The following ABCA13 variants were observed in gnomAD, a reference collection of about 807,000 sequenced individuals.
ABCA13 encodes ATP-binding cassette sub-family A member 13.
Under a neutral mutation model 478.7 loss-of-function variants are expected in ABCA13, and 476 were observed. The observed-to-expected ratio is 0.99, with a 90% confidence interval of 0.92 to 1.07. ABCA13 has a LOEUF of 1.07. Ranked by LOEUF, ABCA13 falls within the 50% of genes least tolerant of loss-of-function variation. The probability of loss-of-function intolerance (pLI) is 0.00; values close to 1 mark genes in which losing one functional copy is unlikely to be tolerated. For synonymous variants in ABCA13, 2,252 were observed against 2,158.9 expected, an observed-to-expected ratio of 1.04 and a Z score of -1.20; for missense variants, 6,060 against 5,910.6, an observed-to-expected ratio of 1.03 and a Z score of -0.83.
chr7:48,567,527 T>C (rs1015653444), intron 55 of ABCA13, among the ~76,000 whole-genome samples: 2 of 152,150 alleles, frequency 1.3e-5, no homozygotes, highest in Non-Finnish European at 2.9e-5. Context: ...AAACCTTTTT[T>C]AGACATGAAC....
At chr7:48,496,849 A>G (rs1830320297) in intron 48 of ABCA13, among the ~76,000 whole-genome samples, 1 of 152,002 alleles carries the variant, frequency 6.6e-6, no homozygotes, top group African/African-American at 2.4e-5. Flanking sequence ...ACGGCTTTAA[A>G]GAATTTTTTT....
chr7:48,197,680 A>C (rs576459643), intron 2 of ABCA13, among the ~76,000 whole-genome samples: 1,906 of 152,248 alleles, frequency 0.013, 19 homozygotes, highest in Admixed American at 0.02. Context: ...GGATGTGTAA[A>C]CAGCACATTA....
At chr7:48,633,174 G>A (rs1033239907) in intron 59 of ABCA13, among the ~76,000 whole-genome samples, 4 of 152,210 alleles carry the variant, frequency 2.6e-5, no homozygotes, top group South Asian at 2.1e-4. Context: ...TAAGAAATTG[G>A]CATCCAGAAG....
intron 45 of ABCA13, 86 bp downstream of exon 45, chr7:48,471,685 T>C: frequency 8.0e-7 from 1 of 1,253,964 alleles, no homozygotes; most frequent in Non-Finnish European, 1.1e-6. Context: ...AATTTTCATA[T>C]TTGTAACTGT....
intron 38 of ABCA13, among the ~76,000 whole-genome samples, chr7:48,394,721 G>T (rs2129059819): frequency 6.6e-6 from 1 of 152,162 alleles, no homozygotes; most frequent in South Asian, 2.1e-4. Flanking sequence ...AGTTATTGGG[G>T]TACAGGTGGT....
intron 15 of ABCA13, among the ~76,000 whole-genome samples, chr7:48,257,922 CTTAT>C (rs1793635826): frequency 6.6e-6 from 1 of 151,586 alleles, no homozygotes; most frequent in Admixed American, 6.6e-5. Context: ...TCACCTGTTG[CTTAT>C]TTATTTATTT....
intron 1 of ABCA13, among the ~76,000 whole-genome samples, chr7:48,191,263 G>C (rs1024665251): frequency 6.6e-6 from 1 of 152,136 alleles, no homozygotes; most frequent in Non-Finnish European, 1.5e-5. Context: ...TTGAACCAGA[G>C]GGTGATCTGC....
In ABCA13 at chr7:48,309,809, C is replaced by T. The variant is rs1801485803; in HGVS notation, c.9322-138C>T. 7.1e-6 allele frequency: 6 copies of T among 841,512 alleles called. No homozygotes were observed. In the South Asian group the frequency reaches 1.1e-4, roughly 16 times the overall value. The allele number at this position is 841,512 out of a possible 1,614,324, so 52.1% of individuals were successfully genotyped here. ...TGAGAATCGAACCCCAGTTTGGGCT[C>T]CCCGCATCTGCAGGTCAGTCCCGGG... On this transcript the variant is annotated intron_variant, in intron 23 of 61. Coordinates refer to ENST00000435803, the MANE Select transcript of ABCA13 (RefSeq NM_152701.5).
In ABCA13 at chr7:48,513,875, C is replaced by T. The variant is rs537427930; in HGVS notation, c.13640+2676C>T. On this transcript the variant is annotated intron_variant, in intron 51 of 61. Transcript: ENST00000435803. The stretch of plus-strand genomic sequence containing the variant: ...TAAAAAAAGTGATGGAATCATAGCC[C>T]GTTGAAAACCACACTGGAATACTCT... Among the ~76,000 whole-genome samples, 31 of 152,198 alleles carry T rather than the reference C, an allele frequency of 2.0e-4. No homozygotes were observed. In the South Asian group the frequency reaches 2.7e-3, roughly 13 times the overall value.
At chr7:48,592,580 C>T (rs1789869137) in intron 57 of ABCA13, among the ~76,000 whole-genome samples, 1 of 151,786 alleles carries the variant, frequency 6.6e-6, no homozygotes, top group South Asian at 2.1e-4. Flanking sequence ...CTGTGTATGG[C>T]TGTTAGGTCC....
chr7:48,218,970 TTA>T (rs1441057706), intron 3 of ABCA13, among the ~76,000 whole-genome samples: 13 of 152,236 alleles, frequency 8.5e-5, no homozygotes, highest in African/African-American at 2.9e-4. Flanking sequence ...TTCTCCGTAA[TTA>T]TCTCTGTCTC....
chr7:48,535,501 G>A (rs1276625694), intron 55 of ABCA13, among the ~76,000 whole-genome samples: 3 of 152,216 alleles, frequency 2.0e-5, no homozygotes, highest in Non-Finnish European at 4.4e-5. Flanking sequence ...GCCAGGAGGT[G>A]GCGCTTTCAA....
At chr7:48,464,738 G>T (rs1329836059) in intron 43 of ABCA13, among the ~76,000 whole-genome samples, 1 of 101,486 alleles carries the variant, frequency 9.9e-6, no homozygotes, top group African/African-American at 4.9e-5. Flanking sequence ...TCACAACTTG[G>T]TTCGACACAT....
intron 59 of ABCA13, among the ~76,000 whole-genome samples, chr7:48,621,615 A>T (rs189841524): frequency 6.6e-6 from 1 of 152,206 alleles, no homozygotes; most frequent in Admixed American, 6.5e-5. Flanking sequence ...CTCAAGCTCT[A>T]GATCTTCTTG....
At chr7:48,292,449 G>A (rs2128815999) in intron 20 of ABCA13, among the ~76,000 whole-genome samples, 1 of 152,176 alleles carries the variant, frequency 6.6e-6, no homozygotes, top group African/African-American at 2.4e-5. Flanking sequence ...GGTAGCCAGA[G>A]TGACCCTTCC....
chr7:48,606,462 A>T (rs1421096758), intron 58 of ABCA13, among the ~76,000 whole-genome samples: 2 of 152,026 alleles, frequency 1.3e-5, no homozygotes, highest in Non-Finnish European at 2.9e-5. Context: ...TTTTCTTCTA[A>T]CAGTCAGGCC....
intron 43 of ABCA13, 107 bp from the exon 44 acceptor site, chr7:48,466,849 A>G: frequency 9.8e-7 from 1 of 1,016,598 alleles, no homozygotes; most frequent in Non-Finnish European, 1.6e-6. Flanking sequence ...CATTAGATGG[A>G]TCAGCCTGAC....
rs748627494 is a variant in ABCA13 at position 48,427,840 on chromosome 7, C to T, written c.12534C>T (p.Asn4178=). 1 of 1,607,098 alleles carries T rather than the reference C, an allele frequency of 6.2e-7. No individual in the cohort carries two copies. Among genetic ancestry groups the T allele is most frequent in the Non-Finnish European group, 8.5e-7 (1 of 1,176,212 alleles). Residue 4178 remains asparagine, a synonymous_variant, in exon 42 of 62, where the codon AAC becomes AAT. Transcript: ENST00000435803. ...IALGTESELQ[N]HRPTGHLSGY... ...TGGGGACTGAGTCAGAGCTGCAGAACCACAGGCCTACAGGACATCTGTCTG... is the reference window on the plus strand; with the variant it reads ...TGGGGACTGAGTCAGAGCTGCAGAATCACAGGCCTACAGGACATCTGTCTG...
chr7:48,386,346 A>G lies in ABCA13; in HGVS notation c.11336-1476A>G, dbSNP rs534277109. 6.1e-4 allele frequency among the ~76,000 whole-genome samples: 93 copies of G among 152,370 alleles called. 1 individual carries two copies. The highest frequency in any genetic ancestry group is 6.8e-3 in the Middle Eastern group (2 of 294). Reference sequence around the variant, plus strand: ...TTGTAGATTCATTGCTATTCTCATTAAACTACCATTGATATTCTTCACAGA... The same window carrying G: ...TTGTAGATTCATTGCTATTCTCATTGAACTACCATTGATATTCTTCACAGA... On this transcript the variant is annotated intron_variant, in intron 35 of 61. Coordinates refer to ENST00000435803, the MANE Select transcript of ABCA13 (RefSeq NM_152701.5).
Sources: gnomAD v4.1 joint callset for allele counts (sites outside exome capture counted in the v4.1 genomes callset) on GRCh38, gnomAD v4.1.1 for gene constraint, MANE v1.5 for transcripts, NCBI Gene and HGNC (gene_info 2026-07-23, HGNC 2026-07-21) for gene names.